The following CDC42BPG variants were observed in gnomAD, a reference collection of about 807,000 sequenced individuals.
CDC42BPG encodes CDC42 binding protein kinase gamma, also known as serine/threonine-protein kinase MRCK gamma.
A neutral mutation model predicts 192.2 loss-of-function variants in CDC42BPG; 157 were observed. The observed-to-expected ratio is 0.82, with a 90% confidence interval of 0.72 to 0.93. The LOEUF is 0.93. Among genes scored for constraint, CDC42BPG ranks in the 40% least tolerant of loss-of-function variants. CDC42BPG has a pLI of 0.00. For missense variants in CDC42BPG, 1,992 were observed against 2,122.1 expected (o/e 0.94, Z 1.20); for synonymous variants, 981 against 918.5 (o/e 1.07, Z -1.23).
At chr11:64,826,615 G>A (rs915252166) in intron 35 of CDC42BPG, 56 bp downstream of exon 35, 15 of 1,593,138 alleles carry the variant, frequency 9.4e-6, no homozygotes, top group South Asian at 5.6e-5. Context: ...GGATCCAAAG[G>A]GGGTAGAAAC....
At chr11:64,834,133 G>T in intron 20 of CDC42BPG, 133 bp downstream of exon 20, 1 of 1,374,658 alleles carries the variant, frequency 7.3e-7, no homozygotes, top group Non-Finnish European at 1.0e-6. Context: ...GGTCACAGAT[G>T]ATGGAGTAAG....
At position 64,823,635 on chromosome 11, in the gene CDC42BPG, A is replaced by G. The variant is rs1395467259; in HGVS notation, c.*838T>C. The G allele has an allele frequency of 6.6e-6, 1 of 151,818 alleles. No individual in the cohort carries two copies. The highest frequency in any genetic ancestry group is 1.5e-5 in the Non-Finnish European group (1 of 67,952). The allele number at this position is 151,818 out of a possible 1,614,324, so 9.4% of individuals were successfully genotyped here. A position where few individuals can be genotyped will look rare whatever the true frequency, so the allele number is the denominator to read the frequency against. ...GGGAAGGGCCAGAGTGTGCCCGGAG[A>G]CCCTCCAGTGGCCCCCACTGGGTAC... On this transcript the variant is annotated 3_prime_UTR_variant, in exon 37 of 37. Coordinates refer to ENST00000342711, the MANE Select transcript of CDC42BPG (RefSeq NM_017525.3).
In CDC42BPG at chr11:64,830,230, C is replaced by T. The variant is rs1179475739; in HGVS notation, c.3331G>A (p.Glu1111Lys). The T allele has an allele frequency of 4.3e-6, 7 of 1,612,128 alleles. No homozygotes were observed. The East Asian group carries it at 6.7e-5, about 15-fold the overall frequency. ...AGATGGATGACAAAGAGCCCCTCCT[C>T]GGTGCCAAGCGCAAGTCGATCCTGG... ...LDQDRLALGT[E>K]EGLFVIHLRS... Residue 1111 changes from glutamate to lysine, a missense_variant, in exon 29 of 37, where the codon GAG becomes AAG. Transcript: ENST00000342711.
At chr11:64,838,194 C>A in intron 8 of CDC42BPG, 32 bp from the exon 9 acceptor site, 1 of 1,533,262 alleles carries the variant, frequency 6.5e-7, no homozygotes, top group Non-Finnish European at 8.8e-7. Flanking sequence ...GAGTCAGAGT[C>A]CACAGGCCAA....
In CDC42BPG at chr11:64,829,976, G is replaced by T. The variant is rs376414221; in HGVS notation, c.3462C>A (p.Ser1154Arg). 7 of 1,612,874 alleles carry T rather than the reference G, an allele frequency of 4.3e-6. No homozygotes were observed. In the South Asian group the frequency reaches 6.6e-5, roughly 15 times the overall value. ...GCTCCGCCAGGGCAAAGAGACGCACGCTGGGGCCGCGGCCACACAGCACGA... is the reference window on the plus strand; with the variant it reads ...GCTCCGCCAGGGCAAAGAGACGCACTCTGGGGCCGCGGCCACACAGCACGA... Reference protein sequence around the residue: ...LLVVLCGRGPSVRLFALAELE... With the variant: ...LLVVLCGRGPRVRLFALAELE... Residue 1154 changes from serine (S) to arginine (R), a missense_variant, in exon 30 of 37, where the codon AGC (serine) becomes AGA (arginine). Transcript: ENST00000342711.
rs752380527 is a variant in CDC42BPG, at chr11:64,832,813, G to A, written c.2865+13C>T. The stretch of plus-strand genomic sequence containing the variant: ...CCCCATGCCCATCTTCCCCTCCCTC[G>A]GCCCCCACTCACCGACAGAAAGCCC... On this transcript the variant is annotated intron_variant, in intron 25 of 36. Coordinates refer to ENST00000342711, the MANE Select transcript of CDC42BPG (RefSeq NM_017525.3). 5.9e-5 allele frequency: 93 copies of A among 1,587,904 alleles called. No homozygotes were observed. In the Middle Eastern group the frequency reaches 6.6e-4, roughly 11 times the overall value.
chr11:64,843,454 T>G (rs1592730452), intron 1 of CDC42BPG, among the ~76,000 whole-genome samples: 1 of 152,018 alleles, frequency 6.6e-6, no homozygotes, highest in South Asian at 2.1e-4. Flanking sequence ...GGGTTGGGGC[T>G]AGGGGACAAC....
intron 4 of CDC42BPG, 38 bp from the exon 5 acceptor site, chr11:64,840,306 G>A (rs1943222572): frequency 1.3e-6 from 2 of 1,599,960 alleles, no homozygotes; most frequent in Middle Eastern, 1.7e-4. Flanking sequence ...CGGGGGAAGG[G>A]TGCACCTGGC....
At position 64,839,069 on chromosome 11, in the gene CDC42BPG, G is replaced by A. The variant is rs1353855268; in HGVS notation, c.840C>T (p.Ser280=). ...TGATCTTGCCGTAGGTTTCCACCAA[G>A]GACTCAGCATAGAAGGGCGTCTCCC... ...LFGETPFYAE[S]LVETYGKIMN... Residue 280 remains serine (S), a synonymous_variant, in exon 7 of 37, where the codon TCC becomes TCT. Transcript: ENST00000342711. 2.5e-6 allele frequency: 4 copies of A among 1,613,670 alleles called. No individual in the cohort carries two copies. The highest frequency in any genetic ancestry group is 2.7e-5 in the African/African-American group (2 of 75,056).
intron 4 of CDC42BPG, 86 bp from the exon 5 acceptor site, chr11:64,840,354 GC>G: frequency 6.5e-7 from 1 of 1,533,716 alleles, no homozygotes; most frequent in Non-Finnish European, 8.8e-7. Flanking sequence ...GGGAAGGCAG[GC>G]CTGCATCTCC....
intron 8 of CDC42BPG, among the ~76,000 whole-genome samples, 175 bp downstream of exon 8, chr11:64,838,479 A>C (rs972570979): frequency 2.0e-5 from 3 of 152,146 alleles, no homozygotes; most frequent in African/African-American, 7.2e-5. Context: ...TGGCTGGAAG[A>C]GGCTGGGCCA....
rs1289209745 is a variant in CDC42BPG, at chr11:64,826,498, G to A, written c.4571C>T (p.Ser1524Leu). 3.7e-6 allele frequency: 6 copies of A among 1,603,760 alleles called. No homozygotes were observed. The highest frequency in any genetic ancestry group is 3.4e-5 in the South Asian group (3 of 88,796). ...CATTAGGGAGGTTGCAGGGCTCAGCGATCCCTGGGGGCAGGACACAGACTC... is the reference window on the plus strand; with the variant it reads ...CATTAGGGAGGTTGCAGGGCTCAGCAATCCCTGGGGGCAGGACACAGACTC... The part of the protein sequence containing the change: ...SSESVSCPQG[S>L]LSPATSLMQV... Residue 1524 changes from serine to leucine, a missense_variant, in exon 36 of 37, where the codon TCG becomes TTG. Around this residue, in one of 2 missense-constraint regions of CDC42BPG, gnomAD observed 336 missense variants for 277.9 expected, o/e 1.21. Transcript: ENST00000342711.
chr11:64,844,629 G>A lies in CDC42BPG; in HGVS notation c.-60C>T, dbSNP rs990078949. 2.5e-6 allele frequency: 3 copies of A among 1,208,274 alleles called. No homozygotes were observed. The highest frequency in any genetic ancestry group is 3.1e-6 in the Non-Finnish European group (3 of 967,428). The allele number at this position is 1,208,274 out of a possible 1,614,324, so 74.8% of individuals were successfully genotyped here. A position where few individuals can be genotyped will look rare whatever the true frequency, so the allele number is the denominator to read the frequency against. On this transcript the variant is annotated 5_prime_UTR_variant, in exon 1 of 37. Transcript: ENST00000342711. ...CTGGCCGCCCGCATGCCCGCCTGTC[G>A]GGCCGTCCGTCCGCCCAACCGTCTG...
Position 64,830,087 on chromosome 11 carries a change from GGGAGA to G in CDC42BPG, c.3368-22_3368-18del, listed in dbSNP as rs772611210. On this transcript the variant is annotated intron_variant, in intron 29 of 36. Coordinates refer to ENST00000342711, the MANE Select transcript of CDC42BPG (RefSeq NM_017525.3). ...GGAAGATGTCTGCAGGGTTGGCGAG[GGGAGA>G]GTGTCACTGGCAGGTGGTTGAAGAG... 8.0e-5 allele frequency: 129 copies of G among 1,612,560 alleles called. 1 individual carries two copies. The South Asian group carries it at 1.4e-3, about 17-fold the overall frequency.
chr11:64,832,540 T>A, intron 26 of CDC42BPG, 31 bp from the exon 27 acceptor site: 1 of 1,613,814 alleles, frequency 6.2e-7, no homozygotes, highest in Non-Finnish European at 8.5e-7. Context: ...GTCAGAAATC[T>A]CCCTGTCCCT....
intron 1 of CDC42BPG, among the ~76,000 whole-genome samples, chr11:64,842,204 A>G (rs1592727631): frequency 6.6e-6 from 1 of 152,160 alleles, no homozygotes; most frequent in Admixed American, 6.5e-5. Flanking sequence ...AGTCCTGCCC[A>G]GTCTGCGGCC....
intron 22 of CDC42BPG, 28 bp downstream of exon 22, chr11:64,833,710 C>A (rs1281171344): frequency 6.2e-7 from 1 of 1,613,562 alleles, no homozygotes; most frequent in Non-Finnish European, 8.5e-7. Flanking sequence ...GGGCCCAGGC[C>A]CCCTACGATG....
At chr11:64,843,324 C>A (rs538912373) in intron 1 of CDC42BPG, among the ~76,000 whole-genome samples, 33 of 152,106 alleles carry the variant, frequency 2.2e-4, no homozygotes, top group Non-Finnish European at 3.7e-4. Context: ...CAAACACACA[C>A]ACGTGTGTGG....
chr11:64,832,737 G>A lies in CDC42BPG; in HGVS notation c.2872C>T (p.Arg958Trp), dbSNP rs776509979. 14 of 1,604,188 alleles carry A rather than the reference G, an allele frequency of 8.7e-6. No homozygotes were observed. The highest frequency in any genetic ancestry group is 3.3e-5 in the South Asian group (3 of 89,894). The change falls in exon 26 of 37, where the codon CGG becomes TGG. Residue 958 changes from arginine (R) to tryptophan (W), a missense_variant. Physicochemically the swap from Arg to Trp is moderately radical, Grantham distance 101. Around this residue, in one of 2 missense-constraint regions of CDC42BPG, gnomAD observed 1,656 missense variants for 1,844.3 expected, o/e 0.90. Coordinates refer to ENST00000342711, the MANE Select transcript of CDC42BPG (RefSeq NM_017525.3). ...CAGCCCCGCCGGACACCTGAGGGCC[G>A]CGGCACCTGGCGGAAAGGCAAGCAT... ...TAYEGFLSVP[R>W]PSGVRRGWQR... is the part of the protein sequence containing the mutation.
Sources: gnomAD v4.1 joint callset for allele counts (sites outside exome capture counted in the v4.1 genomes callset) on GRCh38, gnomAD v4.1.1 for gene constraint, gnomAD v4.1.1 regional missense constraint, MANE v1.5 for transcripts, NCBI Gene and HGNC (gene_info 2026-07-23, HGNC 2026-07-21) for gene names.